HIVEP2: variants seen among roughly 807,000 people sequenced by gnomAD.
The protein encoded by HIVEP2 is transcription factor HIVEP2.
In HIVEP2, 14 loss-of-function variants were observed where a neutral mutation model predicts 180.7. That is an observed-to-expected ratio of 0.08 (90% CI 0.05 to 0.12). HIVEP2 has a LOEUF of 0.12. Among genes scored for constraint, HIVEP2 ranks in the 10% least tolerant of loss-of-function variants. The pLI, the probability that HIVEP2 is intolerant of heterozygous loss-of-function variation, is 1.00. For missense variants in HIVEP2, 2,579 were observed against 3,008.5 expected (o/e 0.86, Z 3.34); for synonymous variants, 1,184 against 1,136.4 (o/e 1.04, Z -0.84).
intron 2 of HIVEP2, among the ~76,000 whole-genome samples, chr6:142,815,495 C>T (rs538580737): frequency 6.0e-4 from 91 of 152,306 alleles, no homozygotes; most frequent in African/African-American, 2.1e-3. Context: ...AGGCCTTTTA[C>T]ATGAATAATT....
chr6:142,826,175 A>G lies in HIVEP2; in HGVS notation c.-528+10760T>C, dbSNP rs545663944. Among the ~76,000 whole-genome samples the G allele has an allele frequency of 2.0e-5, 3 of 152,326 alleles. No individual in the cohort carries two copies. The South Asian group carries it at 6.2e-4, about 32-fold the overall frequency. The stretch of plus-strand genomic sequence containing the variant: ...ATCTAAGCTCGTTAAAATAAAATAT[A>G]TCTTATTACATAATTCTTGGTTTAG... On this transcript the variant is annotated intron_variant, in intron 2 of 9. Coordinates refer to ENST00000367603, the MANE Select transcript of HIVEP2 (RefSeq NM_006734.4).
rs1357931407 is a variant in HIVEP2 at position 142,935,423 on chromosome 6, C to T, written c.-641+9676G>A. ...AATTAGCTCAGTATGGTGGCAGGTG[C>T]CTGTAGTCCCAGCTACTTGGGAGGC... On this transcript the variant is annotated intron_variant, in intron 1 of 9. Transcript: ENST00000367603. 3.3e-5 allele frequency among the ~76,000 whole-genome samples: 5 copies of T among 152,100 alleles called. No individual in the cohort carries two copies. The East Asian group carries it at 9.6e-4, about 29-fold the overall frequency.
intron 2 of HIVEP2, among the ~76,000 whole-genome samples, chr6:142,834,328 A>G (rs1775170130): frequency 6.6e-6 from 1 of 152,186 alleles, no homozygotes; most frequent in South Asian, 2.1e-4. Context: ...TCCTAATTTA[A>G]AGTAAGACTT....
At position 142,797,441 on chromosome 6, in the gene HIVEP2, G is replaced by A. The variant is rs150747773; in HGVS notation, c.-527-13826C>T. Among the ~76,000 whole-genome samples, 191 of 152,178 alleles carry A rather than the reference G, an allele frequency of 1.3e-3. 1 individual carries two copies. Among genetic ancestry groups the A allele is most frequent in the African/African-American group, 4.1e-3 (171 of 41,546 alleles). On this transcript the variant is annotated intron_variant, in intron 2 of 9. Transcript: ENST00000367603. ...AGTAATTAGGATTTTAAGCTAATAAGGGCATAAATATTTTAGATAGAGAAT... is the reference window on the plus strand; with the variant it reads ...AGTAATTAGGATTTTAAGCTAATAAAGGCATAAATATTTTAGATAGAGAAT...
At chr6:142,781,761 A>G (rs1471065963) in intron 3 of HIVEP2, among the ~76,000 whole-genome samples, 1 of 152,162 alleles carries the variant, frequency 6.6e-6, no homozygotes, top group Non-Finnish European at 1.5e-5. Context: ...GCACCCAGTT[A>G]AATAATTTCC....
chr6:142,928,445 C>T (rs2128437651), intron 1 of HIVEP2, among the ~76,000 whole-genome samples: 1 of 152,192 alleles, frequency 6.6e-6, no homozygotes, highest in South Asian at 2.1e-4. Context: ...TAGAAGGTTA[C>T]TGAAATTTTT....
chr6:142,832,692 G>A (rs1322139549), intron 2 of HIVEP2, among the ~76,000 whole-genome samples: 2 of 152,256 alleles, frequency 1.3e-5, no homozygotes, highest in Non-Finnish European at 2.9e-5. Flanking sequence ...CCAATTAAAG[G>A]ATTTATAGTG....
At chr6:142,930,223 C>T (rs746892140) in intron 1 of HIVEP2, among the ~76,000 whole-genome samples, 1 of 152,150 alleles carries the variant, frequency 6.6e-6, no homozygotes. Context: ...AGGGAGCTCA[C>T]TGAGTGAACA....
Position 142,872,368 on chromosome 6 carries a change from C to G in HIVEP2, c.-640-35321G>C, listed in dbSNP as rs118156740. 4.4e-4 allele frequency among the ~76,000 whole-genome samples: 67 copies of G among 152,304 alleles called. No homozygotes were observed. The East Asian group carries it at 0.013, about 29-fold the overall frequency. ...CCATAAAGCAGCAATCTTTCCTAAA[C>G]AGTTATGTCCAACAAAGAACAAAGC... On this transcript the variant is annotated intron_variant, in intron 1 of 9. Coordinates refer to ENST00000367603, the MANE Select transcript of HIVEP2 (RefSeq NM_006734.4).
chr6:142,791,474 C>T (rs1390661390), intron 2 of HIVEP2, among the ~76,000 whole-genome samples: 1 of 152,092 alleles, frequency 6.6e-6, no homozygotes, highest in Non-Finnish European at 1.5e-5. Flanking sequence ...TACTTTTGGT[C>T]TCATCTCAGA....
chr6:142,873,983 C>T (rs757603915), intron 1 of HIVEP2, among the ~76,000 whole-genome samples: 2 of 152,118 alleles, frequency 1.3e-5, no homozygotes, highest in Non-Finnish European at 2.9e-5. Context: ...TGGGAGGACA[C>T]ACCATACTTA....
At chr6:142,942,779 C>G (rs935573528) in intron 1 of HIVEP2, among the ~76,000 whole-genome samples, 1 of 152,136 alleles carries the variant, frequency 6.6e-6, no homozygotes, top group Non-Finnish European at 1.5e-5. Flanking sequence ...TCAATTTACT[C>G]TTGAATACCC....
chr6:142,817,406 C>T (rs1400642068), intron 2 of HIVEP2, among the ~76,000 whole-genome samples: 1 of 152,172 alleles, frequency 6.6e-6, no homozygotes, highest in Non-Finnish European at 1.5e-5. Context: ...ACATATACAC[C>T]ATGAAGTGAC....
chr6:142,897,562 C>T (rs563036142), intron 1 of HIVEP2, among the ~76,000 whole-genome samples: 3 of 152,296 alleles, frequency 2.0e-5, no homozygotes, highest in African/African-American at 7.2e-5. Context: ...ATCTCACTGA[C>T]ATACCATGGA....
intron 3 of HIVEP2, among the ~76,000 whole-genome samples, chr6:142,778,629 A>T (rs1341761437): frequency 6.6e-6 from 1 of 152,132 alleles, no homozygotes; most frequent in Non-Finnish European, 1.5e-5. Context: ...CATACTGTTA[A>T]AGAGTTTCAT....
At chr6:142,781,107 A>T (rs1413741110) in intron 3 of HIVEP2, among the ~76,000 whole-genome samples, 1 of 152,190 alleles carries the variant, frequency 6.6e-6, no homozygotes, top group Non-Finnish European at 1.5e-5. Flanking sequence ...TGCAACAGAG[A>T]TCCACTTAGA....
chr6:142,768,323 C>G, intron 6 of HIVEP2, 59 bp downstream of exon 6: 2 of 1,492,700 alleles, frequency 1.3e-6, no homozygotes, highest in South Asian at 2.5e-5. Context: ...TGCAGACATT[C>G]TGGACCATTT....
At chr6:142,932,182 G>A (rs1170566250) in intron 1 of HIVEP2, among the ~76,000 whole-genome samples, 1 of 152,120 alleles carries the variant, frequency 6.6e-6, no homozygotes, top group African/African-American at 2.4e-5. Flanking sequence ...GATGAGAATA[G>A]TGACTCTTCT....
chr6:142,851,864 T>G (rs181263926), intron 1 of HIVEP2, among the ~76,000 whole-genome samples: 111 of 152,340 alleles, frequency 7.3e-4, no homozygotes, highest in Admixed American at 3.7e-3. Context: ...TGACAGAACC[T>G]CACGGTGGAA....
Sources: gnomAD v4.1 joint callset for allele counts (sites outside exome capture counted in the v4.1 genomes callset) on GRCh38, gnomAD v4.1.1 for gene constraint, MANE v1.5 for transcripts, NCBI Gene and HGNC (gene_info 2026-07-23, HGNC 2026-07-21) for gene names.